The following SLC38A10 variants were observed in gnomAD, a reference collection of about 807,000 sequenced individuals.
SLC38A10 encodes Sodium-coupled neutral amino acid transporter 10.
SLC38A10 carries 53 observed loss-of-function variants against 81.0 expected under a neutral mutation model. The ratio of observed to expected loss-of-function variants is 0.65; its 90% CI spans 0.53 to 0.82. The LOEUF is 0.82. Ranked by LOEUF, SLC38A10 falls within the 40% of genes least tolerant of loss-of-function variation. The pLI, the probability that SLC38A10 is intolerant of heterozygous loss-of-function variation, is 0.00. For synonymous variants in SLC38A10, 665 were observed against 655.3 expected (o/e 1.01, Z -0.23); for missense variants, 1,471 against 1,545.0 (o/e 0.95, Z 0.80).
chr17:81,269,753 G>T lies in SLC38A10; in HGVS notation c.1131+1165C>A, dbSNP rs888219975. 9.9e-5 allele frequency among the ~76,000 whole-genome samples: 15 copies of T among 152,192 alleles called. No individual in the cohort carries two copies. The South Asian group carries it at 2.7e-3, about 27-fold the overall frequency. On this transcript the variant is annotated intron_variant, in intron 10 of 15. Coordinates refer to ENST00000374759, the MANE Select transcript of SLC38A10 (RefSeq NM_001037984.3). ...TAATCACAGCACTTTGGGAGGTGGA[G>T]GCGGGTGGATCACCTGAGGTCAAGA...
chr17:81,292,732 A>G (rs910050625), intron 1 of SLC38A10, among the ~76,000 whole-genome samples: 1 of 152,186 alleles, frequency 6.6e-6, no homozygotes. Context: ...TGTCCACCAC[A>G]TGGCAGGTGG....
rs1290415199 is a variant in SLC38A10, at chr17:81,245,802, G to C, written c.3114C>G (p.Asn1038Lys). The C allele has an allele frequency of 6.2e-7, 1 of 1,605,210 alleles. No individual in the cohort carries two copies. ...GGQRPDNAKP[N>K]RDLKLQAGSD... is the part of the protein sequence containing the mutation. ...AGCCAGCCTGCAGTTTCAGGTCCCGGTTGGGCTTGGCATTGTCCGGCCTCT... is the reference window on the plus strand; with the variant it reads ...AGCCAGCCTGCAGTTTCAGGTCCCGCTTGGGCTTGGCATTGTCCGGCCTCT... The change falls in exon 16 of 16, where the codon AAC becomes AAG. Residue 1038 changes from asparagine (N) to lysine (K), a missense_variant. Coordinates refer to ENST00000374759, the MANE Select transcript of SLC38A10 (RefSeq NM_001037984.3).
rs1009331636 is a variant in SLC38A10 at position 81,283,224 on chromosome 17, G to A, written c.357+185C>T. On this transcript the variant is annotated intron_variant, in intron 4 of 15. Coordinates refer to ENST00000374759, the MANE Select transcript of SLC38A10 (RefSeq NM_001037984.3). This position sits in a 1 kb window ranked among gnomAD's most constrained non-coding sequence, Gnocchi z 4.7. ...GACTCTGCCTGGCTTGCTTCCTCGCGTGTACCTCTCACAGACGTGACCCAG... is the reference window on the plus strand; with the variant it reads ...GACTCTGCCTGGCTTGCTTCCTCGCATGTACCTCTCACAGACGTGACCCAG... Among the ~76,000 whole-genome samples, 8 of 151,982 alleles carry A rather than the reference G, an allele frequency of 5.3e-5. No homozygotes were observed. The highest frequency in any genetic ancestry group is 5.9e-5 in the Non-Finnish European group (4 of 67,996).
intron 1 of SLC38A10, among the ~76,000 whole-genome samples, chr17:81,292,068 T>C (rs1412304038): frequency 6.6e-6 from 1 of 152,092 alleles, no homozygotes. Flanking sequence ...ACTTCAATGT[T>C]TATTATATAT....
At chr17:81,271,471 A>T (rs2063115171) in intron 9 of SLC38A10, among the ~76,000 whole-genome samples, 1 of 152,114 alleles carries the variant, frequency 6.6e-6, no homozygotes, top group South Asian at 2.1e-4. Context: ...TTCCCTGGGG[A>T]GAGTGCGTGC....
chr17:81,261,592 C>T, intron 10 of SLC38A10, among the ~76,000 whole-genome samples: 1 of 152,264 alleles, frequency 6.6e-6, no homozygotes, highest in East Asian at 1.9e-4. Context: ...AGGACTCGTG[C>T]TCTCCGAAGC....
At position 81,246,061 on chromosome 17, in the gene SLC38A10, G is replaced by C. The variant is rs762830200; in HGVS notation, c.2855C>G (p.Pro952Arg). The C allele has an allele frequency of 1.4e-5, 22 of 1,609,494 alleles. No individual in the cohort carries two copies. Among genetic ancestry groups the C allele is most frequent in the Non-Finnish European group, 1.9e-5 (22 of 1,179,720 alleles). Reference protein sequence around the residue: ...PGGAEGAAAQPQAVLRQPELR... With the variant: ...PGGAEGAAAQRQAVLRQPELR... ...TTCCGGCTGGCGTAACACAGCCTGGGGCTGTGCAGCTGCTCCTTCCGCCCC... is the reference window on the plus strand; with the variant it reads ...TTCCGGCTGGCGTAACACAGCCTGGCGCTGTGCAGCTGCTCCTTCCGCCCC... Residue 952 changes from proline (P) to arginine (R), a missense_variant, in exon 16 of 16, where the codon CCC (proline) becomes CGC (arginine). Coordinates refer to ENST00000374759, the MANE Select transcript of SLC38A10 (RefSeq NM_001037984.3).
chr17:81,261,840 C>T (rs557010838), intron 10 of SLC38A10, among the ~76,000 whole-genome samples: 5 of 152,322 alleles, frequency 3.3e-5, no homozygotes, highest in East Asian at 1.9e-4. Flanking sequence ...CAAGCGGTGA[C>T]GGCAGGCCTG....
At chr17:81,271,319 C>T (rs928530803) in intron 9 of SLC38A10, among the ~76,000 whole-genome samples, 21 of 152,176 alleles carry the variant, frequency 1.4e-4, no homozygotes, top group African/African-American at 3.1e-4. Flanking sequence ...ACGGCTCCTG[C>T]GCCGCCTCTC....
chr17:81,273,101 T>C (rs1452639215), intron 8 of SLC38A10, among the ~76,000 whole-genome samples: 1 of 152,116 alleles, frequency 6.6e-6, no homozygotes, highest in Non-Finnish European at 1.5e-5. Context: ...CCAGCAGATG[T>C]GCAACAAGCA....
intron 12 of SLC38A10, among the ~76,000 whole-genome samples, 161 bp from the exon 13 acceptor site, chr17:81,252,844 C>G (rs1009480240): frequency 4.6e-5 from 7 of 152,238 alleles, no homozygotes; most frequent in African/African-American, 1.7e-4. Flanking sequence ...TGGCCAAGCA[C>G]AGCTGATGCT....
intron 15 of SLC38A10, 56 bp from the exon 16 acceptor site, chr17:81,246,729 G>A: frequency 6.7e-7 from 1 of 1,500,212 alleles, no homozygotes; most frequent in Non-Finnish European, 8.9e-7. Context: ...GGCTGCCAGT[G>A]GAGGGGCTCA....
intron 2 of SLC38A10, chr17:81,285,515 C>T (rs929636429): frequency 6.6e-6 from 1 of 152,216 alleles, no homozygotes; most frequent in Non-Finnish European, 1.5e-5. Context: ...ACGGGGCGGC[C>T]GAATGCGGAA....
Position 81,246,541 on chromosome 17 carries a change from G to A in SLC38A10, c.2375C>T (p.Pro792Leu). 6.6e-7 allele frequency: 1 copy of A among 1,519,558 alleles called. No individual in the cohort carries two copies. Among genetic ancestry groups the A allele is most frequent in the Non-Finnish European group, 8.8e-7 (1 of 1,135,480 alleles). 94.1% of individuals were successfully genotyped at this position (1,519,558 alleles called of 1,614,324 possible). A position where few individuals can be genotyped will look rare whatever the true frequency, so the allele number is the denominator to read the frequency against. ...CTGGTTAAGGTCCTGGGATGGAGCA[G>A]GGCGGCCCCCAGGAGCTCTGAGGAC... The part of the protein sequence containing the change: ...DPVLRAPGGR[P>L]APSQDLNQRS... Residue 792 changes from proline (P) to leucine (L), a missense_variant, in exon 16 of 16, where the codon CCT (proline) becomes CTT (leucine). Pro to Leu is a moderately conservative substitution (Grantham distance 98). Transcript: ENST00000374759.
At chr17:81,284,271 T>C (rs2146949930) in intron 3 of SLC38A10, among the ~76,000 whole-genome samples, 1 of 152,130 alleles carries the variant, frequency 6.6e-6, no homozygotes. Context: ...GGCAGGAGAA[T>C]CGCTTAAACC....
chr17:81,251,147 A>G, intron 14 of SLC38A10: 1 of 1,519,776 alleles, frequency 6.6e-7, no homozygotes, highest in Non-Finnish European at 8.8e-7. Flanking sequence ...CGAGTGTTAA[A>G]ACTGTTAACA....
In SLC38A10 at chr17:81,246,986, C is replaced by T. The variant is rs1175468220; in HGVS notation, c.2141G>A (p.Arg714His). ...VIKEQQVQQK[R>H]LLDQQEKLLA... ...CAGCTTCTCCTGCTGGTCCAGCAAG[C>T]GCTTTTGCTGCACCTGCTGTTCTTT... The change falls in exon 15 of 16, where the codon CGC becomes CAC. Residue 714 changes from arginine to histidine, a missense_variant. Arg to His is a conservative substitution (Grantham distance 29). Coordinates refer to ENST00000374759, the MANE Select transcript of SLC38A10 (RefSeq NM_001037984.3). 3.7e-6 allele frequency: 6 copies of T among 1,606,256 alleles called. No homozygotes were observed. Among genetic ancestry groups the T allele is most frequent in the Non-Finnish European group, 3.4e-6 (4 of 1,179,620 alleles).
At chr17:81,274,711 G>T (rs183597269) in intron 8 of SLC38A10, among the ~76,000 whole-genome samples, 1 of 151,512 alleles carries the variant, frequency 6.6e-6, no homozygotes, top group African/African-American at 2.4e-5. Flanking sequence ...TCACTCTGCC[G>T]CAAGGAGAGA....
chr17:81,272,240 C>G (rs1370097804), intron 9 of SLC38A10, among the ~76,000 whole-genome samples: 1 of 152,094 alleles, frequency 6.6e-6, no homozygotes, highest in Non-Finnish European at 1.5e-5. Context: ...CCACATTGGT[C>G]AGGCTGGTCT....
Sources: allele counts gnomAD v4.1 joint callset (sites outside exome capture counted in the v4.1 genomes callset), GRCh38; gene constraint gnomAD v4.1.1; non-coding constraint Gnocchi (gnomAD v3.1); transcripts MANE v1.5; gene names NCBI Gene and HGNC (gene_info 2026-07-23, HGNC 2026-07-21).